PDZRN4: variants seen among roughly 807,000 people sequenced by gnomAD.
PDZRN4 encodes the protein PDZ domain-containing RING finger protein 4.
PDZRN4 carries 70 observed loss-of-function variants against 99.0 expected under a neutral mutation model. The observed-to-expected ratio is 0.71, with a 90% CI of 0.58 to 0.86. PDZRN4 has a LOEUF of 0.86. Ranked by LOEUF, PDZRN4 falls within the 40% of genes least tolerant of loss-of-function variation. PDZRN4 has a pLI of 0.00. For missense variants in PDZRN4, 1,474 were observed against 1,331.2 expected (o/e 1.11, Z -1.67); for synonymous variants, 551 against 501.6 (o/e 1.10, Z -1.32).
intron 3 of PDZRN4, among the ~76,000 whole-genome samples, chr12:41,368,445 T>C (rs1206592878): frequency 6.6e-6 from 1 of 152,132 alleles, no homozygotes; most frequent in Non-Finnish European, 1.5e-5. Context: ...GAGAGTCATA[T>C]AGCTGTTCCT....
intron 5 of PDZRN4, among the ~76,000 whole-genome samples, chr12:41,519,307 G>T (rs2256412): frequency 0.54 from 81,176 of 151,728 alleles, 22,429 homozygotes; most frequent in African/African-American, 0.69. Flanking sequence ...GTGTTGCTGG[G>T]CTCTCAACTA....
chr12:41,282,380 TA>T (rs1951392990), intron 3 of PDZRN4, among the ~76,000 whole-genome samples: 1 of 152,184 alleles, frequency 6.6e-6, no homozygotes, highest in Non-Finnish European at 1.5e-5. Flanking sequence ...AGCAAGTTAT[TA>T]GAGACCTACA....
chr12:41,537,299 G>A (rs975613580), intron 5 of PDZRN4, among the ~76,000 whole-genome samples: 9 of 152,142 alleles, frequency 5.9e-5, no homozygotes, highest in African/African-American at 2.2e-4. Context: ...GTGGCAAATG[G>A]GCAATGAGCA....
intron 3 of PDZRN4, among the ~76,000 whole-genome samples, chr12:41,382,801 T>C (rs1411970893): frequency 6.6e-6 from 1 of 152,220 alleles, no homozygotes; most frequent in Non-Finnish European, 1.5e-5. Flanking sequence ...TATAGCTGTA[T>C]AGCACAAGAA....
rs188047045 is a variant in PDZRN4 at position 41,487,545 on chromosome 12, A to G, written c.844-18911A>G. ...AGAACCTCAACTATGTGTATTAAAAAGTGTTCAATATTGAGAACTCTAAAA... is the reference window on the plus strand; with the variant it reads ...AGAACCTCAACTATGTGTATTAAAAGGTGTTCAATATTGAGAACTCTAAAA... On this transcript the variant is annotated intron_variant, in intron 3 of 9. Transcript: ENST00000402685. Among the ~76,000 whole-genome samples the G allele has an allele frequency of 2.0e-5, 3 of 152,368 alleles. No homozygotes were observed. In the East Asian group the frequency reaches 5.8e-4, roughly 29 times the overall value.
intron 5 of PDZRN4, among the ~76,000 whole-genome samples, chr12:41,533,276 G>A (rs979381606): frequency 5.9e-5 from 9 of 151,740 alleles, no homozygotes; most frequent in African/African-American, 2.2e-4. Context: ...CCGGATTCAA[G>A]CAATTCTCCC....
chr12:41,310,342 TAATAAAGTGATAGGTTTTACATGATAAC>T (rs1484418407), intron 3 of PDZRN4, among the ~76,000 whole-genome samples: 1 of 152,080 alleles, frequency 6.6e-6, no homozygotes, highest in African/African-American at 2.4e-5. Flanking sequence ...GGATTAAAAA[TAATAAAGTGATAGGTTTTACATGATAAC>T]AATCTGTAGA....
chr12:41,324,378 G>A (rs1951697540), intron 3 of PDZRN4, among the ~76,000 whole-genome samples: 1 of 152,068 alleles, frequency 6.6e-6, no homozygotes, highest in South Asian at 2.1e-4. Flanking sequence ...AGCTTGTTGA[G>A]CTATTGAAAC....
intron 3 of PDZRN4, among the ~76,000 whole-genome samples, chr12:41,393,770 A>T (rs1002064173): frequency 6.6e-6 from 1 of 152,120 alleles, no homozygotes; most frequent in African/African-American, 2.4e-5. Flanking sequence ...AATCTGGAGG[A>T]CCCAAGACCA....
At chr12:41,373,715 C>T (rs1952060217) in intron 3 of PDZRN4, among the ~76,000 whole-genome samples, 1 of 152,084 alleles carries the variant, frequency 6.6e-6, no homozygotes, top group Non-Finnish European at 1.5e-5. Flanking sequence ...CATACATCCT[C>T]CTCAGCTTAT....
In PDZRN4 at chr12:41,263,187, C is replaced by CT. The variant is rs148324546; in HGVS notation, c.843+69006dup. 1.0e-3 allele frequency among the ~76,000 whole-genome samples: 157 copies of CT among 152,048 alleles called. 1 individual carries two copies. Among genetic ancestry groups the CT allele is most frequent in the African/African-American group, 3.7e-3 (153 of 41,488 alleles). On this transcript the variant is annotated intron_variant, in intron 3 of 9. Transcript: ENST00000402685. ...TAAAATGAATTAGTCATGCTGATAC[C>CT]TTTTTTTGGTGGTGGTGGGGGAATG... is the stretch of plus-strand genomic sequence containing the variant.
intron 3 of PDZRN4, among the ~76,000 whole-genome samples, chr12:41,317,264 A>G (rs547293117): frequency 6.6e-6 from 1 of 151,920 alleles, no homozygotes; most frequent in African/African-American, 2.4e-5. Flanking sequence ...CAAATTCAGT[A>G]TCTGCAGAGC....
intron 3 of PDZRN4, among the ~76,000 whole-genome samples, chr12:41,316,613 T>A (rs1951639833): frequency 6.6e-6 from 1 of 152,042 alleles, no homozygotes; most frequent in Non-Finnish European, 1.5e-5. Context: ...TTCCAATACA[T>A]GGCATCAATA....
intron 9 of PDZRN4, among the ~76,000 whole-genome samples, chr12:41,570,661 C>G (rs564722423): frequency 6.6e-6 from 1 of 151,992 alleles, no homozygotes; most frequent in Non-Finnish European, 1.5e-5. Flanking sequence ...ATAAATAACA[C>G]GATATATAAA....
intron 3 of PDZRN4, among the ~76,000 whole-genome samples, chr12:41,268,382 T>C (rs1262203489): frequency 1.3e-5 from 2 of 152,192 alleles, no homozygotes; most frequent in Non-Finnish European, 1.5e-5. Context: ...TTTACTTGTG[T>C]CTGGATTTAC....
rs1033232118 is a variant in PDZRN4, at chr12:41,300,444, T to C, written c.843+106256T>C. 2.2e-4 allele frequency among the ~76,000 whole-genome samples: 33 copies of C among 152,018 alleles called. 1 individual carries two copies. The highest frequency in any genetic ancestry group is 2.1e-3 in the Admixed American group (32 of 15,252). On this transcript the variant is annotated intron_variant, in intron 3 of 9. Coordinates refer to ENST00000402685, the MANE Select transcript of PDZRN4 (RefSeq NM_001164595.2). The stretch of plus-strand genomic sequence containing the variant: ...TAACTCTTAATTATATTTTGAGATA[T>C]ATATGTATAACATTTTTATGTGAAA...
intron 3 of PDZRN4, among the ~76,000 whole-genome samples, chr12:41,379,484 T>C (rs1370437897): frequency 6.6e-6 from 1 of 151,800 alleles, no homozygotes; most frequent in Non-Finnish European, 1.5e-5. Context: ...CTTCTGTTTT[T>C]CTTGTGGGCA....
intron 3 of PDZRN4, among the ~76,000 whole-genome samples, chr12:41,248,599 T>C (rs1384096523): frequency 2.0e-5 from 3 of 152,166 alleles, no homozygotes; most frequent in African/African-American, 4.8e-5. Flanking sequence ...TATGGTAGAC[T>C]GTCAGAAAAA....
intron 3 of PDZRN4, among the ~76,000 whole-genome samples, chr12:41,414,547 GA>G (rs965793142): frequency 2.0e-5 from 3 of 150,522 alleles, no homozygotes; most frequent in African/African-American, 7.3e-5. Context: ...ATTTTTGTCT[GA>G]AAAAAATAAA....
Sources: allele counts gnomAD v4.1 joint callset (sites outside exome capture counted in the v4.1 genomes callset), GRCh38; gene constraint gnomAD v4.1.1; transcripts MANE v1.5; gene names NCBI Gene and HGNC (gene_info 2026-07-23, HGNC 2026-07-21).